TMEM232: variants seen among roughly 807,000 people sequenced by gnomAD.
TMEM232 encodes the protein transmembrane protein 232.
In TMEM232, 80 loss-of-function variants were observed where a neutral mutation model predicts 78.8. The ratio of observed to expected loss-of-function variants is 1.01; its 90% confidence interval spans 0.85 to 1.22. The LOEUF is 1.22. TMEM232 is among the 50% of genes most tolerant of loss of function. TMEM232 has a pLI of 0.00. For synonymous variants in TMEM232, 297 were observed against 254.3 expected, an observed-to-expected ratio of 1.17 and a Z score of -1.60; for missense variants, 881 against 742.2, an observed-to-expected ratio of 1.19 and a Z score of -2.17.
intron 2 of TMEM232, among the ~76,000 whole-genome samples, chr5:110,408,415 A>G (rs1267599594): frequency 6.6e-6 from 1 of 152,072 alleles, no homozygotes; most frequent in East Asian, 1.9e-4. Flanking sequence ...AATCTGGTGA[A>G]ACCCAGTCTT....
At chr5:110,400,250 C>T (rs754549240) in intron 2 of TMEM232, among the ~76,000 whole-genome samples, 16 of 152,048 alleles carry the variant, frequency 1.1e-4, no homozygotes, top group South Asian at 4.1e-4. Flanking sequence ...ACCTGTAAAA[C>T]GTGCGATATT....
chr5:110,420,499 T>C lies in TMEM232; in HGVS notation c.*81A>G, dbSNP rs979384352. ...TAATGACAAGAAAGTTCTCTTACTA[T>C]GTAGCTATCTTGGTATTTTTCATCC... On this transcript the variant is annotated 3_prime_UTR_variant, in exon 14 of 14. Transcript: ENST00000455884. The C allele has an allele frequency of 2.7e-5, 23 of 859,018 alleles. No individual in the cohort carries two copies. Among genetic ancestry groups the C allele is most frequent in the Non-Finnish European group, 3.6e-5 (22 of 609,478 alleles). The allele number at this position is 859,018 out of a possible 1,614,324, so 53.2% of individuals were successfully genotyped here.
At position 110,605,348 on chromosome 5, in the gene TMEM232, C is replaced by A; in HGVS notation, c.1037G>T (p.Cys346Phe). The change falls in exon 10 of 14, where the codon TGC becomes TTC. Residue 346 changes from cysteine to phenylalanine, a missense_variant. Physicochemically the swap from Cys to Phe is radical, Grantham distance 205 (BLOSUM62 -2). Coordinates refer to ENST00000455884, the MANE Select transcript of TMEM232 (RefSeq NM_001039763.4). ...IMSVQNQEESCKVDDFSWAWN... is the reference protein window; with the variant it reads ...IMSVQNQEESFKVDDFSWAWN... ...GGCCCAGGAAAAATCATCTACCTTG[C>A]AACTTTCTTCCTGAAATGAGAAAAT... 2 of 1,539,786 alleles carry A rather than the reference C, an allele frequency of 1.3e-6. No homozygotes were observed. Among genetic ancestry groups the A allele is most frequent in the South Asian group, 1.2e-5 (1 of 81,532 alleles).
chr5:110,640,987 C>T lies in TMEM232; in HGVS notation c.247G>A (p.Gly83Ser). Residue 83 changes from glycine to serine, a missense_variant, in exon 4 of 14, where the codon GGT (glycine) becomes AGT (serine). By Grantham distance (56) the Gly-to-Ser change is moderately conservative (BLOSUM62 0). Transcript: ENST00000455884. ...CTTCCAGAGCCCAGGGTTTTGAGAC[C>T]CAATTTTCTCTGTTATGAGGAAGCA... ...KIILRCKRKLGLKTLGSGRHV... is the reference protein window; with the variant it reads ...KIILRCKRKLSLKTLGSGRHV... The T allele has an allele frequency of 6.6e-7, 1 of 1,525,056 alleles. No homozygotes were observed. Among genetic ancestry groups the T allele is most frequent in the Non-Finnish European group, 8.8e-7 (1 of 1,135,132 alleles). The allele number at this position is 1,525,056 out of a possible 1,614,324, so 94.5% of individuals were successfully genotyped here. A position where few individuals can be genotyped will look rare whatever the true frequency, so the allele number is the denominator to read the frequency against.
chr5:110,644,578 T>A (rs779103307), intron 2 of TMEM232, among the ~76,000 whole-genome samples: 5 of 151,798 alleles, frequency 3.3e-5, no homozygotes, highest in African/African-American at 4.8e-5. Context: ...CCAACCTATA[T>A]ACACACTTTA....
chr5:110,568,419 A>G lies in TMEM232; in HGVS notation c.1455+28T>C, dbSNP rs936927460. 22 of 1,502,784 alleles carry G rather than the reference A, an allele frequency of 1.5e-5. No homozygotes were observed. In the African/African-American group the frequency reaches 2.4e-4, roughly 17 times the overall value. The allele number at this position is 1,502,784 out of a possible 1,614,324, so 93.1% of individuals were successfully genotyped here. On this transcript the variant is annotated intron_variant, in intron 11 of 13. Transcript: ENST00000455884. ...CCGTGCTTCCTAATGATAGATGTACATATTTATTGCCCAGTGTTTTACCTT... is the reference window on the plus strand; with the variant it reads ...CCGTGCTTCCTAATGATAGATGTACGTATTTATTGCCCAGTGTTTTACCTT...
At chr5:110,435,877 G>T (rs928209721) in intron 12 of TMEM232, among the ~76,000 whole-genome samples, 1 of 151,984 alleles carries the variant, frequency 6.6e-6, no homozygotes, top group African/African-American at 2.4e-5. Context: ...CACTTGGGTT[G>T]CTTCTAAACC....
chr5:110,598,406 G>C (rs1026011638), intron 10 of TMEM232, among the ~76,000 whole-genome samples: 1 of 152,150 alleles, frequency 6.6e-6, no homozygotes, highest in East Asian at 1.9e-4. Context: ...CTTTTACACT[G>C]TTGGTGGGAC....
In TMEM232 at chr5:110,474,193, C is replaced by A. The variant is rs756664383; in HGVS notation, c.1704-49277G>T. Among the ~76,000 whole-genome samples the A allele has an allele frequency of 1.6e-4, 25 of 151,824 alleles. 1 individual carries two copies. The highest frequency in any genetic ancestry group is 5.9e-4 in the Admixed American group (9 of 15,218). On this transcript the variant is annotated intron_variant, in intron 12 of 13. Transcript: ENST00000455884. ...TTTGAGATAAATGATTTGCTAATTA[C>A]CCTGATTTGATCATTATATAACATG...
At chr5:110,647,298 A>C (rs1032344795) in intron 2 of TMEM232, among the ~76,000 whole-genome samples, 12 of 151,918 alleles carry the variant, frequency 7.9e-5, no homozygotes, top group African/African-American at 2.2e-4. Flanking sequence ...CAAGACTTAC[A>C]GTGTTCATCA....
At chr5:110,631,598 C>G (rs931028688) in intron 5 of TMEM232, among the ~76,000 whole-genome samples, 1 of 152,194 alleles carries the variant, frequency 6.6e-6, no homozygotes, top group African/African-American at 2.4e-5. Flanking sequence ...GGCACCTTGT[C>G]TGGGCCTGGA....
chr5:110,599,687 A>G (rs1001911352), intron 10 of TMEM232, among the ~76,000 whole-genome samples: 1 of 152,166 alleles, frequency 6.6e-6, no homozygotes, highest in African/African-American at 2.4e-5. Context: ...GACACCTACA[A>G]AGAGATATAG....
chr5:110,543,829 G>A (rs1773456654), intron 11 of TMEM232, among the ~76,000 whole-genome samples: 2 of 152,044 alleles, frequency 1.3e-5, no homozygotes, highest in Non-Finnish European at 1.5e-5. Context: ...TTTTACATTA[G>A]CAAATGTATC....
At position 110,662,308 on chromosome 5, in the gene TMEM232, T is replaced by C. The variant is rs186532086; in HGVS notation, c.125+4920A>G. ...GTGAACAATACTGCTATGAGAATGC[T>C]GGACAATACCTATATGAAAAAAGCA... On this transcript the variant is annotated intron_variant, in intron 2 of 13. Coordinates refer to ENST00000455884, the MANE Select transcript of TMEM232 (RefSeq NM_001039763.4). 4.9e-3 allele frequency among the ~76,000 whole-genome samples: 752 copies of C among 152,232 alleles called. 8 individuals are homozygous for C. The highest frequency in any genetic ancestry group is 7.6e-3 in the Non-Finnish European group (514 of 67,982).
intron 12 of TMEM232, among the ~76,000 whole-genome samples, chr5:110,433,043 T>C (rs1758033356): frequency 6.6e-6 from 1 of 151,784 alleles, no homozygotes; most frequent in Non-Finnish European, 1.5e-5. Flanking sequence ...AGTGGTGTAC[T>C]TAAACACCTC....
At chr5:110,618,755 AATGT>A (rs1316781619) in intron 7 of TMEM232, among the ~76,000 whole-genome samples, 193 bp from the exon 8 acceptor site, 3 of 152,142 alleles carry the variant, frequency 2.0e-5, no homozygotes, top group Non-Finnish European at 4.4e-5. Flanking sequence ...ACCCGAACCT[AATGT>A]ATGTATTTTT....
intron 1 of TMEM232, among the ~76,000 whole-genome samples, chr5:110,677,837 C>A (rs554327646): frequency 4.6e-5 from 7 of 152,224 alleles, no homozygotes; most frequent in Non-Finnish European, 7.4e-5. Flanking sequence ...CATCATCATA[C>A]TTAGGTGAGA....
At chr5:110,437,234 A>ATC (rs897446192) in intron 12 of TMEM232, among the ~76,000 whole-genome samples, 7 of 151,656 alleles carry the variant, frequency 4.6e-5, no homozygotes, top group African/African-American at 1.7e-4. Flanking sequence ...TTATTGATAT[A>ATC]TTTTTCAGAT....
At chr5:110,525,566 T>A (rs1176520320) in intron 12 of TMEM232, among the ~76,000 whole-genome samples, 1 of 151,920 alleles carries the variant, frequency 6.6e-6, no homozygotes, top group Non-Finnish European at 1.5e-5. Flanking sequence ...TGGAAATACA[T>A]GCCATATTGT....
Sources: gnomAD v4.1 joint callset for allele counts (sites outside exome capture counted in the v4.1 genomes callset) on GRCh38, gnomAD v4.1.1 for gene constraint, MANE v1.5 for transcripts, NCBI Gene and HGNC (gene_info 2026-07-23, HGNC 2026-07-21) for gene names.